The following LPA variants were observed in gnomAD, a reference collection of about 807,000 sequenced individuals.
LPA encodes lipoprotein(a).
LPA carries 199 observed loss-of-function variants against 197.9 expected under a neutral mutation model. That is an observed-to-expected ratio of 1.01 (90% confidence interval 0.90 to 1.13). LPA has a LOEUF of 1.13. LPA is among the 50% of genes most tolerant of loss of function. LPA has a pLI of 0.00. For synonymous variants in LPA, 715 were observed against 639.5 expected (o/e 1.12, Z -1.78); for missense variants, 1,853 against 1,785.8 (o/e 1.04, Z -0.68).
intron 37 of LPA, among the ~76,000 whole-genome samples, chr6:160,532,885 T>A (rs1777828230): frequency 6.6e-6 from 1 of 152,140 alleles, no homozygotes; most frequent in Non-Finnish European, 1.5e-5. Flanking sequence ...TGCTTTGGGG[T>A]TGGTTGTTGT....
At chr6:160,541,058 A>G in intron 35 of LPA, 49 bp downstream of exon 35, 1 of 1,504,036 alleles carries the variant, frequency 6.6e-7, no homozygotes, top group Non-Finnish European at 9.3e-7. Flanking sequence ...GAGAGGGAGG[A>G]AAAAAGTCTT....
chr6:160,531,534 C>G lies in LPA; in HGVS notation c.*195G>C. On this transcript the variant is annotated 3_prime_UTR_variant, in exon 39 of 39. Coordinates refer to ENST00000316300, the MANE Select transcript of LPA (RefSeq NM_005577.4). Reference sequence around the variant, plus strand: ...TTTTTAACAAATGTCATAGCTATGACACCTTAATACAGAATTTGTCAGTCA... The same window carrying G: ...TTTTTAACAAATGTCATAGCTATGAGACCTTAATACAGAATTTGTCAGTCA... The G allele has an allele frequency of 1.5e-6, 1 of 646,046 alleles. No individual in the cohort carries two copies. Among genetic ancestry groups the G allele is most frequent in the Non-Finnish European group, 2.7e-6 (1 of 364,956 alleles). The allele number at this position is 646,046 out of a possible 1,614,324, so 40.0% of individuals were successfully genotyped here.
At position 160,611,573 on chromosome 6, in the gene LPA, G is replaced by C; in HGVS notation, c.2592C>G (p.Tyr864Ter). 1.9e-6 allele frequency: 3 copies of C among 1,605,922 alleles called. No individual in the cohort carries two copies. The highest frequency in any genetic ancestry group is 1.7e-6 in the Non-Finnish European group (2 of 1,179,052). ...GAACAAAGACATACGCATTTGGGTA[G>C]TATTCTGGGGTCCGACTATGCGAGT... ...TPHSHSRTPE[Y>*]YPNAGLIMNY... Residue 864 changes from tyrosine (Y) to a stop codon, truncating the protein, a stop_gained, in exon 16 of 39, where the codon TAC becomes TAG. Transcript: ENST00000316300. LOFTEE classifies it high-confidence loss of function.
intron 22 of LPA, among the ~76,000 whole-genome samples, 194 bp downstream of exon 22, chr6:160,593,764 C>G (rs1562335919): frequency 6.6e-6 from 1 of 152,164 alleles, no homozygotes; most frequent in South Asian, 2.1e-4. Context: ...CTTCTGTCAA[C>G]TATGAGAAAA....
At chr6:160,538,682 G>T (rs1777930084) in intron 36 of LPA, among the ~76,000 whole-genome samples, 2 of 152,136 alleles carry the variant, frequency 1.3e-5, no homozygotes, top group Non-Finnish European at 2.9e-5. Context: ...CACCAACTTT[G>T]AAGCAGACAC....
At chr6:160,610,935 G>A (rs1413610207) in intron 16 of LPA, among the ~76,000 whole-genome samples, 2 of 152,228 alleles carry the variant, frequency 1.3e-5, no homozygotes, top group South Asian at 2.1e-4. Flanking sequence ...GATTGGCCAT[G>A]GGGTGGTCAG....
intron 20 of LPA, among the ~76,000 whole-genome samples, chr6:160,599,244 G>A (rs1447344878): frequency 6.6e-6 from 1 of 152,162 alleles, no homozygotes; most frequent in Non-Finnish European, 1.5e-5. Context: ...TAGAGAGGCT[G>A]AAGCAGGAGA....
rs370329980 is a variant in LPA, at chr6:160,649,629, C to T, written c.209+709G>A. Among the ~76,000 whole-genome samples the T allele has an allele frequency of 3.3e-5, 5 of 152,180 alleles. No individual in the cohort carries two copies. In the East Asian group the frequency reaches 5.8e-4, roughly 18 times the overall value. On this transcript the variant is annotated intron_variant, in intron 2 of 38. Transcript: ENST00000316300. ...GAGTTGATCTCATTGTTCTCTCTCT[C>T]GCAATTCCCTTGGTCCTCTACCATC...
chr6:160,609,743 A>G (rs865986504), intron 16 of LPA, among the ~76,000 whole-genome samples: 1 of 151,034 alleles, frequency 6.6e-6, no homozygotes, highest in Non-Finnish European at 1.5e-5. Context: ...ATATTTCCCT[A>G]TTTCTTTAGG....
chr6:160,647,272 T>G (rs538963383), intron 2 of LPA, among the ~76,000 whole-genome samples: 1 of 152,140 alleles, frequency 6.6e-6, no homozygotes, highest in Admixed American at 6.5e-5. Context: ...AAACAATGAA[T>G]TAGGAGGCAA....
rs374045640 is a variant in LPA, at chr6:160,595,363, A to C, written c.3460T>G (p.Ser1154Ala). Reference sequence around the variant, plus strand: ...GCCATAGACTTCCTACCTTCTTCAGAAGAAGCCTCTGTGCTTGGATCTGGG... The same window carrying C: ...GCCATAGACTTCCTACCTTCTTCAGCAGAAGCCTCTGTGCTTGGATCTGGG... ...VVPDPSTEAS[S>A]EEAPTEQSPG... The change falls in exon 21 of 39, where the codon TCT becomes GCT. Residue 1154 changes from serine (S) to alanine (A), a missense_variant. This residue lies in a region of LPA where 1,737 missense variants were observed against 1,504.4 expected (regional missense o/e 1.15). Coordinates refer to ENST00000316300, the MANE Select transcript of LPA (RefSeq NM_005577.4). 6.2e-7 allele frequency: 1 copy of C among 1,612,472 alleles called. No individual in the cohort carries two copies. Among genetic ancestry groups the C allele is most frequent in the South Asian group, 1.1e-5 (1 of 91,070 alleles).
At chr6:160,647,183 CA>C (rs888845404) in intron 2 of LPA, among the ~76,000 whole-genome samples, 1 of 152,156 alleles carries the variant, frequency 6.6e-6, no homozygotes, top group Admixed American at 6.5e-5. Flanking sequence ...GTTGAAAGAA[CA>C]GTGGGTCCCA....
chr6:160,646,968 C>T (rs1178772115), intron 2 of LPA, among the ~76,000 whole-genome samples: 1 of 152,154 alleles, frequency 6.6e-6, no homozygotes, highest in South Asian at 2.1e-4. Flanking sequence ...CATGGAAAAG[C>T]ATTGTGCAAA....
In LPA at chr6:160,611,681, G is replaced by C. The variant is rs569832683; in HGVS notation, c.2484C>G (p.His828Gln). Reference protein sequence around the residue: ...EQRPGVQECYHGNGQSYRGTY... With the variant: ...EQRPGVQECYQGNGQSYRGTY... ...TGCCTCGATAACTCTGTCCATTACC[G>C]TGGTAGCACTCCTGCACCCCAGGCC... The change falls in exon 16 of 39, where the codon CAC (histidine) becomes CAG (glutamine). Residue 828 changes from histidine to glutamine, a missense_variant. Physicochemically the swap from His to Gln is conservative, Grantham distance 24 (BLOSUM62 0). Around this residue, in one of 3 missense-constraint regions of LPA, gnomAD observed 1,737 missense variants for 1,504.4 expected, o/e 1.15. Coordinates refer to ENST00000316300, the MANE Select transcript of LPA (RefSeq NM_005577.4). 2 of 1,547,636 alleles carry C rather than the reference G, an allele frequency of 1.3e-6. No individual in the cohort carries two copies. Among genetic ancestry groups the C allele is most frequent in the African/African-American group, 1.4e-5 (1 of 70,596 alleles).
chr6:160,543,656 A>G (rs1396859492), intron 33 of LPA, among the ~76,000 whole-genome samples: 2 of 152,240 alleles, frequency 1.3e-5, no homozygotes, highest in Non-Finnish European at 2.9e-5. Flanking sequence ...AATTTCTGCT[A>G]GTATGCCTTA....
intron 1 of LPA, among the ~76,000 whole-genome samples, chr6:160,661,006 G>A (rs1780215900): frequency 6.6e-6 from 1 of 152,164 alleles, no homozygotes; most frequent in Non-Finnish European, 1.5e-5. Context: ...TTTCTGCCTG[G>A]TTGTGGCAAA....
intron 4 of LPA, among the ~76,000 whole-genome samples, chr6:160,643,083 A>AGATTGTGTGTGTGT (rs1554242208): frequency 1.5e-5 from 2 of 131,060 alleles, no homozygotes; most frequent in African/African-American, 2.8e-5. Context: ...GTGTGTTTTC[A>AGATTGTGTGTGTGT]GTGTGTGTGT....
At chr6:160,562,856 G>C (rs1449715657) in intron 28 of LPA, among the ~76,000 whole-genome samples, 1 of 152,176 alleles carries the variant, frequency 6.6e-6, no homozygotes, top group Non-Finnish European at 1.5e-5. Flanking sequence ...TATTTGCATA[G>C]AGGTGTTTAA....
chr6:160,577,869 T>G (rs1046090125), intron 27 of LPA, among the ~76,000 whole-genome samples: 1 of 152,148 alleles, frequency 6.6e-6, no homozygotes, highest in Admixed American at 6.6e-5. Flanking sequence ...AGTCCTGAAT[T>G]GTAACAAAGC....
Sources: allele counts gnomAD v4.1 joint callset (sites outside exome capture counted in the v4.1 genomes callset), GRCh38; gene constraint gnomAD v4.1.1; regional missense constraint gnomAD v4.1.1; transcripts MANE v1.5; gene names NCBI Gene and HGNC (gene_info 2026-07-23, HGNC 2026-07-21).